LRRC56: variants seen among roughly 807,000 people sequenced by gnomAD.
LRRC56 encodes the protein leucine-rich repeat-containing protein 56.
LRRC56 carries 41 observed loss-of-function variants against 47.8 expected under a neutral mutation model. The observed-to-expected ratio is 0.86, with a 90% CI of 0.67 to 1.11. The LOEUF (loss-of-function observed/expected upper bound fraction) is 1.11, where lower values mean the gene tolerates loss of function less well. LRRC56 is among the 50% of genes most tolerant of loss of function. LRRC56 has a pLI of 0.00. For synonymous variants in LRRC56, 387 were observed against 311.2 expected (o/e 1.24, Z -2.56); for missense variants, 759 against 704.2 (o/e 1.08, Z -0.88).
At chr11:540,049 C>T (rs1476179189) in intron 3 of LRRC56, among the ~76,000 whole-genome samples, 1 of 152,222 alleles carries the variant, frequency 6.6e-6, no homozygotes, top group Non-Finnish European at 1.5e-5. Context: ...ATTCCAGGCT[C>T]CCATGGGCAC....
the LRRC56 span, among the ~76,000 whole-genome samples, chr11:520,445 C>G: frequency 6.6e-6 from 1 of 152,006 alleles, no homozygotes; most frequent in Non-Finnish European, 1.5e-5. Context: ...CTCAGCCTCC[C>G]GAGTAGCTGG....
chr11:512,351 G>A, the LRRC56 span, among the ~76,000 whole-genome samples: 5 of 151,600 alleles, frequency 3.3e-5, no homozygotes, highest in African/African-American at 7.3e-5. Context: ...TCTCCGCCTC[G>A]GCCTCCTGAG....
chr11:553,517 G>C (rs1683671790), intron 13 of LRRC56, among the ~76,000 whole-genome samples: 1 of 152,184 alleles, frequency 6.6e-6, no homozygotes, highest in Non-Finnish European at 1.5e-5. Flanking sequence ...AGGAGGAGGG[G>C]AGCTGCAGTG....
At chr11:511,408 T>C in the LRRC56 span, among the ~76,000 whole-genome samples, 2 of 152,056 alleles carry the variant, frequency 1.3e-5, no homozygotes, top group Non-Finnish European at 2.9e-5. Context: ...CTGTTGCAGG[T>C]TCATACGTGA....
chr11:551,386 G>T (rs908650588), intron 9 of LRRC56, 84 bp downstream of exon 9: 2 of 960,148 alleles, frequency 2.1e-6, no homozygotes, highest in East Asian at 2.7e-5. Context: ...TCTCAGAAAC[G>T]GATAGCCACA....
At chr11:521,005 C>T in the LRRC56 span, among the ~76,000 whole-genome samples, 4 of 152,204 alleles carry the variant, frequency 2.6e-5, no homozygotes, top group Middle Eastern at 3.2e-3. Flanking sequence ...ATTTACTCAC[C>T]GATGCTCTCG....
chr11:554,212 C>T lies in LRRC56; in HGVS notation c.1565C>T (p.Pro522Leu), dbSNP rs267602955. The T allele has an allele frequency of 1.3e-6, 2 of 1,540,036 alleles. No individual in the cohort carries two copies. Among genetic ancestry groups the T allele is most frequent in the Non-Finnish European group, 1.7e-6 (2 of 1,144,948 alleles). Residue 522 changes from proline to leucine, a missense_variant, in exon 14 of 14, where the codon CCA becomes CTA. Physicochemically the swap from Pro to Leu is moderately conservative, Grantham distance 98. Transcript: ENST00000270115. ...AQGCPGPKPA[P>L]DAAARPPRAA... ...GGATGTCCTGGCCCAAAGCCAGCAC[C>T]AGATGCAGCAGCTAGACCTCCCAGG...
chr11:548,380 A>G (rs1399108040), intron 6 of LRRC56, among the ~76,000 whole-genome samples: 1 of 152,212 alleles, frequency 6.6e-6, no homozygotes, highest in East Asian at 1.9e-4. Flanking sequence ...TCCTGGGCTC[A>G]GGTGCTCCTC....
the LRRC56 span, among the ~76,000 whole-genome samples, chr11:508,201 C>T: frequency 6.6e-6 from 1 of 152,220 alleles, no homozygotes; most frequent in Non-Finnish European, 1.5e-5. Flanking sequence ...GGTCTCACTC[C>T]ACTGCTTAGG....
upstream of LRRC56, among the ~76,000 whole-genome samples, chr11:535,746 C>G (rs1459356226): frequency 6.6e-6 from 1 of 152,136 alleles, no homozygotes; most frequent in Non-Finnish European, 1.5e-5. Context: ...GGGCCGCGGC[C>G]TCTCGGGGTT....
At chr11:512,810 G>T in the LRRC56 span, among the ~76,000 whole-genome samples, 1 of 152,198 alleles carries the variant, frequency 6.6e-6, no homozygotes, top group Admixed American at 6.5e-5. Flanking sequence ...GTTGATGGAG[G>T]GCAGGCAAGA....
intron 6 of LRRC56, among the ~76,000 whole-genome samples, chr11:547,555 C>T (rs7933716): frequency 2.7e-5 from 4 of 150,720 alleles, no homozygotes; most frequent in Middle Eastern, 6.8e-3. Flanking sequence ...GGTTTCACCA[C>T]GTTGGCCAGG....
chr11:523,784 C>T, the LRRC56 span, among the ~76,000 whole-genome samples: 5 of 152,086 alleles, frequency 3.3e-5, no homozygotes, highest in East Asian at 3.9e-4. Context: ...AAAAATTAGC[C>T]GGGTGTGGTG....
At chr11:548,602 C>T (rs774706439) in intron 6 of LRRC56, among the ~76,000 whole-genome samples, 21 of 152,130 alleles carry the variant, frequency 1.4e-4, no homozygotes, top group Non-Finnish European at 1.8e-4. Context: ...GGACTACAGG[C>T]ACCCGCCACC....
At position 547,106 on chromosome 11, in the gene LRRC56, C is replaced by T. The variant is rs563640127; in HGVS notation, c.326+2326C>T. ...TTGGGCTTGGGCTTGGCGGTGCATG[C>T]CTGTAATGCCAGCTGCACAGGAGGC... is the stretch of plus-strand genomic sequence containing the variant. On this transcript the variant is annotated intron_variant, in intron 6 of 13. Transcript: ENST00000270115. Among the ~76,000 whole-genome samples the T allele has an allele frequency of 1.7e-4, 26 of 151,554 alleles. No individual in the cohort carries two copies. The South Asian group carries it at 5.2e-3, about 30-fold the overall frequency.
At chr11:512,996 C>T in the LRRC56 span, among the ~76,000 whole-genome samples, 2 of 152,214 alleles carry the variant, frequency 1.3e-5, no homozygotes, top group African/African-American at 4.8e-5. Context: ...TTTGCCTGGG[C>T]TGCCCCTTAA....
the LRRC56 span, among the ~76,000 whole-genome samples, chr11:525,335 C>T: frequency 2.4e-4 from 36 of 151,850 alleles, no homozygotes; most frequent in African/African-American, 5.8e-4. Context: ...GTCAGGAGAT[C>T]GAGACCATCC....
At chr11:552,286 AG>A in intron 12 of LRRC56, 54 bp downstream of exon 12, 1 of 1,564,570 alleles carries the variant, frequency 6.4e-7, no homozygotes, top group Admixed American at 1.8e-5. Flanking sequence ...TGGGGAAATC[AG>A]GGCTGGGGCT....
chr11:539,658 A>T lies in LRRC56; in HGVS notation c.-80A>T, dbSNP rs1851699168. On this transcript the variant is annotated 5_prime_UTR_variant, in exon 3 of 14. The change creates a new upstream start codon in the 5' untranslated region. Transcript: ENST00000270115. ...TGATCTGCCCGCCGCGGCCTCCCAA[A>T]GTGCTGGGATTACAGGCGTGAGCCA... 6.6e-6 allele frequency: 1 copy of T among 151,842 alleles called. No homozygotes were observed. The allele number at this position is 151,842 out of a possible 1,614,324, so 9.4% of individuals were successfully genotyped here.
Sources: gnomAD v4.1 joint callset for allele counts (sites outside exome capture counted in the v4.1 genomes callset) on GRCh38, gnomAD v4.1.1 for gene constraint, MANE v1.5 for transcripts, NCBI Gene and HGNC (gene_info 2026-07-23, HGNC 2026-07-21) for gene names.